Variants in EDN3 observed in about 807,000 individuals in gnomAD.
EDN3 encodes endothelin-3.
EDN3 carries 9 observed loss-of-function variants against 21.4 expected under a neutral mutation model. The ratio of observed to expected loss-of-function variants is 0.42; its 90% CI spans 0.25 to 0.73. The LOEUF is 0.73. EDN3 is among the 30% of genes least tolerant of loss of function. The pLI, the probability that EDN3 is intolerant of heterozygous loss-of-function variation, is 0.26. For missense variants in EDN3, 327 were observed against 309.4 expected (o/e 1.06, Z -0.43); for synonymous variants, 133 against 126.2 (o/e 1.05, Z -0.36).
At chr20:59,301,865 C>T (rs192030206) in intron 2 of EDN3, 143 bp downstream of exon 2, 38 of 953,912 alleles carry the variant, frequency 4.0e-5, no homozygotes, top group Admixed American at 3.3e-4. Flanking sequence ...TTGCTGGGGC[C>T]TCTTGCCAGC....
At chr20:59,302,278 G>A (rs1198445739) in intron 2 of EDN3, among the ~76,000 whole-genome samples, 2 of 152,180 alleles carry the variant, frequency 1.3e-5, no homozygotes, top group Non-Finnish European at 2.9e-5. Context: ...TGGATGCCAA[G>A]GCAGGGTGAA....
chr20:59,321,079 G>A lies in EDN3; in HGVS notation c.428G>A (p.Gly143Glu). The change falls in exon 3 of 5, where the codon GGG becomes GAG. Residue 143 changes from glycine to glutamate, a missense_variant. Coordinates refer to ENST00000337938, the MANE Select transcript of EDN3 (RefSeq NM_207034.3). ...RGSFRGKRSAGPLPGNLQLSH... is the reference protein window; with the variant it reads ...RGSFRGKRSAEPLPGNLQLSH... ...AGCTTCCGGGGCAAGAGGTCTGCGG[G>A]GCCACTTCCAGGGAATCTGCAGCTC... The A allele has an allele frequency of 6.2e-7, 1 of 1,614,190 alleles. No individual in the cohort carries two copies. The highest frequency in any genetic ancestry group is 8.5e-7 in the Non-Finnish European group (1 of 1,180,036).
intron 2 of EDN3, among the ~76,000 whole-genome samples, chr20:59,318,642 G>T (rs1002699663): frequency 2.0e-5 from 3 of 152,242 alleles, no homozygotes; most frequent in African/African-American, 4.8e-5. Flanking sequence ...GTAGGGCAGG[G>T]GAGGGGGCCG....
chr20:59,301,505 G>A lies in EDN3; in HGVS notation c.148G>A (p.Val50Met). 6.2e-7 allele frequency: 1 copy of A among 1,613,048 alleles called. No individual in the cohort carries two copies. The highest frequency in any genetic ancestry group is 1.1e-5 in the South Asian group (1 of 91,028). ...ATCTGAGGGGGACTGTGAAGAGACTGTGGCTGGCCCTGGCGAGGAGACTGT... is the reference window on the plus strand; with the variant it reads ...ATCTGAGGGGGACTGTGAAGAGACTATGGCTGGCCCTGGCGAGGAGACTGT... ...ARSEGDCEET[V>M]AGPGEETVAG... Residue 50 changes from valine to methionine, a missense_variant, in exon 2 of 5, where the codon GTG (valine) becomes ATG (methionine). Transcript: ENST00000337938.
rs776492495 is a variant in EDN3 at position 59,300,800 on chromosome 20, C to G, written c.-13C>G. 4.3e-6 allele frequency: 7 copies of G among 1,609,242 alleles called. No individual in the cohort carries two copies. The Admixed American group carries it at 5.0e-5, about 12-fold the overall frequency. On this transcript the variant is annotated 5_prime_UTR_variant, in exon 1 of 5. Coordinates refer to ENST00000337938, the MANE Select transcript of EDN3 (RefSeq NM_207034.3). ...TCCTCCTGGTCCGGTGCTCCGGCGCCTGATCTAGGTTCATGGAGCCGGGGC... is the reference window on the plus strand; with the variant it reads ...TCCTCCTGGTCCGGTGCTCCGGCGCGTGATCTAGGTTCATGGAGCCGGGGC...
In EDN3 at chr20:59,322,243, T is replaced by C. The variant is rs1990593069; in HGVS notation, c.543-129T>C. ...GTGCTCAGCCTTCAGAAACTGTGCC[T>C]GAGACGCAGTCCTTGGGGAACGCAC... On this transcript the variant is annotated intron_variant, in intron 3 of 4. Transcript: ENST00000337938. The surrounding 1 kb of genome is among the most constrained non-coding windows in gnomAD (Gnocchi z 4.1). 1 of 1,014,522 alleles carries C rather than the reference T, an allele frequency of 9.9e-7. No individual in the cohort carries two copies. The highest frequency in any genetic ancestry group is 1.5e-6 in the Non-Finnish European group (1 of 649,330). The allele number at this position is 1,014,522 out of a possible 1,614,324, so 62.8% of individuals were successfully genotyped here.
At chr20:59,301,382 T>G in intron 1 of EDN3, 28 bp from the exon 2 acceptor site, 1 of 1,602,568 alleles carries the variant, frequency 6.2e-7, no homozygotes, top group Non-Finnish European at 8.5e-7. Flanking sequence ...ACACTCAGCT[T>G]AGGAGCCCCT....
Position 59,305,732 on chromosome 20 carries a change from C to G in EDN3, c.365+4010C>G, listed in dbSNP as rs1015663388. On this transcript the variant is annotated intron_variant, in intron 2 of 4. Coordinates refer to ENST00000337938, the MANE Select transcript of EDN3 (RefSeq NM_207034.3). The surrounding 1 kb of genome is among the most constrained non-coding windows in gnomAD (Gnocchi z 4.2). ...CCGAGGGAGTTGATGTCAAGGAGGT[C>G]TGGAAGCAGAATTCTTTTCTGTTCG... is the stretch of plus-strand genomic sequence containing the variant. Among the ~76,000 whole-genome samples, 2 of 152,172 alleles carry G rather than the reference C, an allele frequency of 1.3e-5. No homozygotes were observed. The highest frequency in any genetic ancestry group is 4.8e-5 in the African/African-American group (2 of 41,436).
chr20:59,313,779 A>G (rs559912436), intron 2 of EDN3, among the ~76,000 whole-genome samples: 1 of 152,362 alleles, frequency 6.6e-6, no homozygotes, highest in Admixed American at 6.5e-5. Context: ...TTTAGGAAGC[A>G]TAAGCTTTGT....
chr20:59,316,020 C>T (rs1990155585), intron 2 of EDN3, among the ~76,000 whole-genome samples: 1 of 152,086 alleles, frequency 6.6e-6, no homozygotes, highest in South Asian at 2.1e-4. Context: ...CCTGTCTCTA[C>T]TAAAAATACA....
In EDN3 at chr20:59,325,781, GTA is replaced by G. The variant is rs1214830933; in HGVS notation, c.*1327_*1328del. On this transcript the variant is annotated 3_prime_UTR_variant, in exon 5 of 5. Coordinates refer to ENST00000337938, the MANE Select transcript of EDN3 (RefSeq NM_207034.3). The stretch of plus-strand genomic sequence containing the variant: ...TGTGGATCTGTTCAAAGTAGTCACT[GTA>G]TATACGTATAGAGAGGTAGATAGGT... 1 of 152,210 alleles carries G rather than the reference GTA, an allele frequency of 6.6e-6. No individual in the cohort carries two copies. Among genetic ancestry groups the G allele is most frequent in the Non-Finnish European group, 1.5e-5 (1 of 68,044 alleles). 9.4% of individuals were successfully genotyped at this position (152,210 alleles called of 1,614,324 possible).
chr20:59,308,234 C>A (rs1989560289), intron 2 of EDN3, among the ~76,000 whole-genome samples: 1 of 152,086 alleles, frequency 6.6e-6, no homozygotes, highest in African/African-American at 2.4e-5. Flanking sequence ...GGGCGAGGGA[C>A]CCCCAGGCCA....
At chr20:59,310,212 G>A (rs897259823) in intron 2 of EDN3, among the ~76,000 whole-genome samples, 2 of 152,174 alleles carry the variant, frequency 1.3e-5, no homozygotes, top group African/African-American at 2.4e-5. Context: ...GCACCACCCC[G>A]CGTTCCAGTG....
chr20:59,302,467 G>A (rs1989114580), intron 2 of EDN3, among the ~76,000 whole-genome samples: 2 of 152,152 alleles, frequency 1.3e-5, no homozygotes, highest in African/African-American at 4.8e-5. Context: ...GCCTTCTCCT[G>A]GGGCCATGTG....
At chr20:59,313,868 T>C (rs1194894328) in intron 2 of EDN3, among the ~76,000 whole-genome samples, 1 of 152,244 alleles carries the variant, frequency 6.6e-6, no homozygotes, top group African/African-American at 2.4e-5. Flanking sequence ...CTATGTTTCC[T>C]GGCCTATTTT....
intron 4 of EDN3, chr20:59,323,786 C>T (rs1444409699): frequency 9.3e-6 from 4 of 431,218 alleles, no homozygotes; most frequent in Middle Eastern, 5.9e-4. Flanking sequence ...GAAGGGAGCC[C>T]TATATAGGAG....
chr20:59,313,017 A>G (rs1232064221), intron 2 of EDN3, among the ~76,000 whole-genome samples: 1 of 152,166 alleles, frequency 6.6e-6, no homozygotes, highest in Non-Finnish European at 1.5e-5. Flanking sequence ...GTTATTGCCA[A>G]GACATAATTC....
chr20:59,318,560 C>T (rs1990332223), intron 2 of EDN3, among the ~76,000 whole-genome samples: 1 of 152,210 alleles, frequency 6.6e-6, no homozygotes. Flanking sequence ...CTCACCTCCG[C>T]ACGGGTCGGT....
At chr20:59,319,237 G>C (rs979306170) in intron 2 of EDN3, among the ~76,000 whole-genome samples, 1 of 151,916 alleles carries the variant, frequency 6.6e-6, no homozygotes. Context: ...AAGAGTCAAC[G>C]AACAGGGTGG....
Sources: allele counts gnomAD v4.1 joint callset (sites outside exome capture counted in the v4.1 genomes callset), GRCh38; gene constraint gnomAD v4.1.1; non-coding constraint Gnocchi (gnomAD v3.1); transcripts MANE v1.5; gene names NCBI Gene and HGNC (gene_info 2026-07-23, HGNC 2026-07-21).